MUC5AC: variants seen among roughly 807,000 people sequenced by gnomAD.
MUC5AC encodes mucin-5AC.
MUC5AC carries 158 observed loss-of-function variants against 169.7 expected under a neutral mutation model. The observed-to-expected ratio is 0.93, with a 90% CI of 0.82 to 1.06. The LOEUF is 1.06. MUC5AC is among the 50% of genes least tolerant of loss of function. MUC5AC has a pLI of 0.00. For synonymous variants in MUC5AC, 1,975 were observed against 1,237.0 expected, an observed-to-expected ratio of 1.60 and a Z score of -12.52; for missense variants, 4,359 against 3,089.9, an observed-to-expected ratio of 1.41 and a Z score of -9.74.
At chr11:1,194,874 G>T in intron 35 of MUC5AC, 138 bp from the exon 36 acceptor site, 1 of 616,400 alleles carries the variant, frequency 1.6e-6, no homozygotes, top group Admixed American at 2.7e-5. Flanking sequence ...TTGTTCTCGG[G>T]GGACAGTGAG....
intron 41 of MUC5AC, 100 bp from the exon 42 acceptor site, chr11:1,197,803 G>A (rs1282319361): frequency 7.6e-5 from 49 of 642,508 alleles, no homozygotes; most frequent in South Asian, 2.1e-4. Flanking sequence ...ACCCCCGAGC[G>A]GGCTGTCTAG....
chr11:1,163,162 C>A (rs746530074), intron 6 of MUC5AC, 117 bp downstream of exon 6: 4 of 954,264 alleles, frequency 4.2e-6, no homozygotes, highest in Non-Finnish European at 6.7e-6. Context: ...ACGGATGCAG[C>A]TGCCCTCCCT....
rs1860927566 is a variant in MUC5AC, at chr11:1,185,794, C to A, written c.7649C>A (p.Ser2550Tyr). 1.3e-6 allele frequency: 1 copy of A among 740,810 alleles called. No individual in the cohort carries two copies. Among genetic ancestry groups the A allele is most frequent in the Admixed American group, 1.8e-5 (1 of 56,208 alleles). 45.9% of individuals were successfully genotyped at this position (740,810 alleles called of 1,614,324 possible). The change falls in exon 31 of 49, where the codon TCT (serine) becomes TAT (tyrosine). Residue 2550 changes from serine to tyrosine, a missense_variant. Coordinates refer to ENST00000621226, the MANE Select transcript of MUC5AC (RefSeq NM_001304359.2). ...TTSAPTTSTT[S>Y]APISSTTSAT... ...TCTGCTCCTACAACCAGCACAACCTCTGCCCCTATAAGCAGCACAACCTCT... is the reference window on the plus strand; with the variant it reads ...TCTGCTCCTACAACCAGCACAACCTATGCCCCTATAAGCAGCACAACCTCT...
At position 1,178,569 on chromosome 11, in the gene MUC5AC, C is replaced by T; in HGVS notation, c.3213C>T (p.Cys1071=). 2 of 1,398,898 alleles carry T rather than the reference C, an allele frequency of 1.4e-6. No individual in the cohort carries two copies. Among genetic ancestry groups the T allele is most frequent in the Non-Finnish European group, 1.9e-6 (2 of 1,061,774 alleles). 86.7% of individuals were successfully genotyped at this position (1,398,898 alleles called of 1,614,324 possible). ...ACAGCTGGAAGCTCTCCCCCTCCTG[C>T]CCAGATGCCCTGGCGCCCAAGGACC... ...FGNSWKLSPS[C]PDALAPKDPC... The change falls in exon 25 of 49, where the codon TGC becomes TGT. Residue 1071 remains cysteine, a synonymous_variant. Transcript: ENST00000621226.
At chr11:1,162,463 A>G in intron 4 of MUC5AC, 69 bp from the exon 5 acceptor site, 8 of 1,390,414 alleles carry the variant, frequency 5.8e-6, no homozygotes, top group African/African-American at 1.4e-5. Context: ...TTGCGACCGC[A>G]GGCATCTGCC....
At chr11:1,199,522 G>A (rs745545420) in intron 46 of MUC5AC, 32 bp downstream of exon 46, 5 of 702,844 alleles carry the variant, frequency 7.1e-6, no homozygotes, top group South Asian at 5.9e-5. Context: ...CCAGCCAAGG[G>A]GGGCTTCACC....
rs185222104 is a variant in MUC5AC at position 1,193,564 on chromosome 11, C to T, written c.14660C>T (p.Thr4887Met). 3.0e-5 allele frequency: 23 copies of T among 764,750 alleles called. No homozygotes were observed. Among genetic ancestry groups the T allele is most frequent in the Admixed American group, 1.0e-4 (6 of 58,978 alleles). 47.4% of individuals were successfully genotyped at this position (764,750 alleles called of 1,614,324 possible). ...GNNVISLRPR[T>M]CPRVEKPTCA... is the part of the protein sequence containing the mutation. ...AACGTCATCTCCCTGCGCCCGCGCA[C>T]GTGCCCGAGGGTGGAGAAGCCCACT... Residue 4887 changes from threonine (T) to methionine (M), a missense_variant, in exon 33 of 49, where the codon ACG (threonine) becomes ATG (methionine). Thr to Met is a moderately conservative substitution (Grantham distance 81). Coordinates refer to ENST00000621226, the MANE Select transcript of MUC5AC (RefSeq NM_001304359.2).
chr11:1,162,222 C>T lies in MUC5AC; in HGVS notation c.473+54C>T, dbSNP rs541213312. On this transcript the variant is annotated intron_variant, in intron 4 of 48. Coordinates refer to ENST00000621226, the MANE Select transcript of MUC5AC (RefSeq NM_001304359.2). ...CCACGCGGCGTGTGGGGTGGCATTT[C>T]CGGGTGGTTGCGGGGTTTCGCGGTC... 61 of 1,585,416 alleles carry T rather than the reference C, an allele frequency of 3.8e-5. 1 individual carries two copies. The South Asian group carries it at 6.8e-4, about 18-fold the overall frequency.
rs1380783236 is a variant in MUC5AC at position 1,190,879 on chromosome 11, C to T, written c.12734C>T (p.Pro4245Leu). 11 of 741,822 alleles carry T rather than the reference C, an allele frequency of 1.5e-5. No individual in the cohort carries two copies. The highest frequency in any genetic ancestry group is 3.4e-5 in the African/African-American group (2 of 58,060). The allele number at this position is 741,822 out of a possible 1,614,324, so 46.0% of individuals were successfully genotyped here. A position where few individuals can be genotyped will look rare whatever the true frequency, so the allele number is the denominator to read the frequency against. The change falls in exon 31 of 49, where the codon CCT becomes CTT. Residue 4245 changes from proline (P) to leucine (L), a missense_variant. Coordinates refer to ENST00000621226, the MANE Select transcript of MUC5AC (RefSeq NM_001304359.2). ...SASTTSTTSA[P>L]TTSTTSGPGT... ...TCTACAACCAGCACAACTTCTGCTCCTACAACCAGCACAACCTCTGGTCCT... is the reference window on the plus strand; with the variant it reads ...TCTACAACCAGCACAACTTCTGCTCTTACAACCAGCACAACCTCTGGTCCT...
chr11:1,187,752 A>G lies in MUC5AC; in HGVS notation c.9607A>G (p.Ser3203Gly), dbSNP rs1438435609. The stretch of plus-strand genomic sequence containing the variant: ...CAGCACAGCCTCTGTTTCAAAGACC[A>G]GCACAAGCCATGTTTCCATATCCAA... ...TTSTASVSKT[S>G]TSHVSISKTT... is the part of the protein sequence containing the mutation. The change falls in exon 31 of 49, where the codon AGC becomes GGC. Residue 3203 changes from serine (S) to glycine (G), a missense_variant. By Grantham distance (56) the Ser-to-Gly change is moderately conservative. Transcript: ENST00000621226. The G allele has an allele frequency of 7.8e-6, 6 of 765,026 alleles. No individual in the cohort carries two copies. The highest frequency in any genetic ancestry group is 1.4e-5 in the Non-Finnish European group (6 of 417,892). 47.4% of individuals were successfully genotyped at this position (765,026 alleles called of 1,614,324 possible). A position where few individuals can be genotyped will look rare whatever the true frequency, so the allele number is the denominator to read the frequency against.
Position 1,165,555 on chromosome 11 carries a change from C to G in MUC5AC, c.1248-67C>G, listed in dbSNP as rs1460274641. 6.2e-6 allele frequency: 10 copies of G among 1,601,244 alleles called. No individual in the cohort carries two copies. In the Admixed American group the frequency reaches 1.7e-4, roughly 27 times the overall value. ...CCTGGGGTGAGACCCGGTCAGCCTCCTGACGCGGAGGCTGGAGGCTGGTCT... is the reference window on the plus strand; with the variant it reads ...CCTGGGGTGAGACCCGGTCAGCCTCGTGACGCGGAGGCTGGAGGCTGGTCT... On this transcript the variant is annotated intron_variant, in intron 10 of 48. Coordinates refer to ENST00000621226, the MANE Select transcript of MUC5AC (RefSeq NM_001304359.2).
In MUC5AC at chr11:1,182,576, G is replaced by C; in HGVS notation, c.4431G>C (p.Thr1477=). 1 of 398,616 alleles carries C rather than the reference G, an allele frequency of 2.5e-6. No individual in the cohort carries two copies. Among genetic ancestry groups the C allele is most frequent in the Non-Finnish European group, 4.4e-6 (1 of 226,134 alleles). The allele number at this position is 398,616 out of a possible 1,614,324, so 24.7% of individuals were successfully genotyped here. A position where few individuals can be genotyped will look rare whatever the true frequency, so the allele number is the denominator to read the frequency against. ...ACCAGATCAGGGTCCAGTGCTGCAC[G>C]CCCCTACCCTGCTCCACCTCTAGCA... ...YNYQIRVQCC[T]PLPCSTSSSP... is the part of the protein sequence containing the mutation. Residue 1477 remains threonine (T), a synonymous_variant, in exon 31 of 49, where the codon ACG becomes ACC. Transcript: ENST00000621226.
chr11:1,175,814 AC>A lies in MUC5AC; in HGVS notation c.2402-336del, dbSNP rs1590141030. ...CGCACTCACACCCACCCACTCATGCACACCACACCCACTCATGCACACGCAC... is the reference window on the plus strand; with the variant it reads ...CGCACTCACACCCACCCACTCATGCAACCACACCCACTCATGCACACGCAC... On this transcript the variant is annotated intron_variant, in intron 19 of 48. Coordinates refer to ENST00000621226, the MANE Select transcript of MUC5AC (RefSeq NM_001304359.2). Among the ~76,000 whole-genome samples, 29 of 14,002 alleles carry A rather than the reference AC, an allele frequency of 2.1e-3. 2 individuals carry two copies. The highest frequency in any genetic ancestry group is 6.1e-3 in the South Asian group (2 of 326). The allele number at this position is 14,002 out of a possible 152,430, so 9.2% of individuals were successfully genotyped here. A position where few individuals can be genotyped will look rare whatever the true frequency, so the allele number is the denominator to read the frequency against.
At chr11:1,174,743 G>C in intron 17 of MUC5AC, 121 bp downstream of exon 17, 1 of 499,872 alleles carries the variant, frequency 2.0e-6, no homozygotes, top group Non-Finnish European at 3.5e-6. Flanking sequence ...TGAGGGCAAG[G>C]AGCGCCCAGG....
chr11:1,167,803 G>GGGTGGACTGGCAGGGCCA (rs1485193270), intron 11 of MUC5AC, 74 bp from the exon 12 acceptor site: 1 of 1,263,112 alleles, frequency 7.9e-7, no homozygotes. Context: ...GAGCACAGCC[G>GGGTGGACTGGCAGGGCCA]GGTGGACTGG....
In MUC5AC at chr11:1,167,957, C is replaced by G. The variant is rs969519081; in HGVS notation, c.1467C>G (p.Ser489Arg). 4.5e-6 allele frequency: 7 copies of G among 1,550,794 alleles called. No individual in the cohort carries two copies. Among genetic ancestry groups the G allele is most frequent in the Non-Finnish European group, 6.1e-6 (7 of 1,147,368 alleles). ...CGGACAGCGAGACCTGCCTGAAGAG[C>G]GTGACACTGAGCCTGGATGGGGCGC... The part of the protein sequence containing the change: ...GLTDSETCLK[S>R]VTLSLDGAQT... The change falls in exon 12 of 49, where the codon AGC becomes AGG. Residue 489 changes from serine to arginine, a missense_variant. Ser to Arg is a moderately radical substitution (Grantham distance 110, BLOSUM62 -1). Transcript: ENST00000621226.
At chr11:1,197,822 C>T in intron 41 of MUC5AC, 81 bp from the exon 42 acceptor site, 1 of 548,544 alleles carries the variant, frequency 1.8e-6, no homozygotes, top group Non-Finnish European at 3.4e-6. Flanking sequence ...AGGCGGTCCG[C>T]AATCCTAGAG....
In MUC5AC at chr11:1,187,370, C is replaced by T; in HGVS notation, c.9225C>T (p.Ser3075=). ...CCCCAAGCCCTGTTCCCACCACCAG[C>T]ACAACCTCTGCTCCTACAACCAGCA... The part of the protein sequence containing the change: ...GTTPSPVPTT[S]TTSAPTTSTT... The change falls in exon 31 of 49, where the codon AGC becomes AGT. Residue 3075 remains serine (S), a synonymous_variant. Coordinates refer to ENST00000621226, the MANE Select transcript of MUC5AC (RefSeq NM_001304359.2). 6.7e-6 allele frequency: 5 copies of T among 745,884 alleles called. No individual in the cohort carries two copies. In the South Asian group the frequency reaches 7.0e-5, roughly 10 times the overall value. 46.2% of individuals were successfully genotyped at this position (745,884 alleles called of 1,614,324 possible).
rs1368049299 is a variant in MUC5AC at position 1,164,494 on chromosome 11, G to A, written c.1091G>A (p.Cys364Tyr). The change falls in exon 9 of 49, where the codon TGT (cysteine) becomes TAT (tyrosine). Residue 364 changes from cysteine to tyrosine, a missense_variant. Coordinates refer to ENST00000621226, the MANE Select transcript of MUC5AC (RefSeq NM_001304359.2). ...TCCAACCAGGAGCACTCCCGGGCCT[G>A]TGAGGACCACTGTGTGGCCGGCTGC... ...TCSNQEHSRA[C>Y]EDHCVAGCFC... The A allele has an allele frequency of 6.2e-7, 1 of 1,611,718 alleles. No homozygotes were observed. Among genetic ancestry groups the A allele is most frequent in the Admixed American group, 1.7e-5 (1 of 59,890 alleles).
Sources: gnomAD v4.1 joint callset for allele counts (sites outside exome capture counted in the v4.1 genomes callset) on GRCh38, gnomAD v4.1.1 for gene constraint, MANE v1.5 for transcripts, NCBI Gene and HGNC (gene_info 2026-07-23, HGNC 2026-07-21) for gene names.